MYOM2: variants seen among roughly 807,000 people sequenced by gnomAD.
MYOM2 encodes myomesin 2, also known as myomesin-2.
In MYOM2, 254 loss-of-function variants were observed where a neutral mutation model predicts 187.6. The observed-to-expected ratio is 1.35, with a 90% confidence interval of 1.22 to 1.50. The LOEUF is 1.50. Ranked by LOEUF, MYOM2 falls within the 40% of genes most tolerant of loss-of-function variation. MYOM2 has a pLI of 0.00. For synonymous variants in MYOM2, 981 were observed against 753.8 expected (o/e 1.30, Z -4.94); for missense variants, 2,796 against 1,924.0 (o/e 1.45, Z -8.48).
Position 2,072,467 on chromosome 8 carries a change from G to T in MYOM2, c.916G>T (p.Asp306Tyr), listed in dbSNP as rs1819265496. 5 of 1,614,044 alleles carry T rather than the reference G, an allele frequency of 3.1e-6. No homozygotes were observed. Among genetic ancestry groups the T allele is most frequent in the Non-Finnish European group, 4.2e-6 (5 of 1,180,040 alleles). ...TLKCTMLVTP[D>Y]LKRVQPRAEW... Reference sequence around the variant, plus strand: ...CAAGTGCACCATGCTGGTGACGCCGGACCTGAAGCGGGTGCAGCCGCGCGC... The same window carrying T: ...CAAGTGCACCATGCTGGTGACGCCGTACCTGAAGCGGGTGCAGCCGCGCGC... The change falls in exon 9 of 37, where the codon GAC becomes TAC. Residue 306 changes from aspartate (D) to tyrosine (Y), a missense_variant. Asp to Tyr is a radical substitution (Grantham distance 160). Transcript: ENST00000262113.
At chr8:2,133,988 T>C (rs1007471785) in intron 32 of MYOM2, among the ~76,000 whole-genome samples, 6 of 150,684 alleles carry the variant, frequency 4.0e-5, no homozygotes, top group Non-Finnish European at 8.8e-5. Context: ...ACCTCCACCC[T>C]CTTCCCCTGA....
intron 21 of MYOM2, among the ~76,000 whole-genome samples, chr8:2,103,586 T>C (rs1374419951): frequency 5.3e-5 from 8 of 151,618 alleles, no homozygotes; most frequent in Non-Finnish European, 1.2e-4. Flanking sequence ...TGTGCATGTA[T>C]TATGTGTATA....
At chr8:2,120,680 T>TATATATAATATATATATAA in intron 28 of MYOM2, among the ~76,000 whole-genome samples, 8 of 48,300 alleles carry the variant, frequency 1.7e-4, no homozygotes. Context: ...ATATATTATA[T>TATATATAATATATATATAA]TATATATAAA....
chr8:2,099,126 A>G, intron 19 of MYOM2, 143 bp downstream of exon 19: 1 of 1,148,868 alleles, frequency 8.7e-7, no homozygotes, highest in Non-Finnish European at 1.2e-6. Context: ...ACCGTGCGCC[A>G]GGCGCCGTGC....
intron 20 of MYOM2, 123 bp from the exon 21 acceptor site, chr8:2,102,544 C>A: frequency 3.3e-6 from 2 of 600,622 alleles, no homozygotes; most frequent in Non-Finnish European, 5.9e-6. Context: ...CATTAAGTAT[C>A]ATTTTCCTAA....
chr8:2,051,157 C>T (rs914814012), intron 2 of MYOM2, among the ~76,000 whole-genome samples: 5 of 135,550 alleles, frequency 3.7e-5, no homozygotes, highest in African/African-American at 1.4e-4. Context: ...CATCACATGC[C>T]TTCCAGAACT....
chr8:2,058,438 A>G (rs1818746894), intron 5 of MYOM2, among the ~76,000 whole-genome samples: 1 of 152,186 alleles, frequency 6.6e-6, no homozygotes, highest in Non-Finnish European at 1.5e-5. Context: ...CAATATGGAA[A>G]ACTCATAAGT....
chr8:2,051,916 T>A (rs1485169174), intron 2 of MYOM2, among the ~76,000 whole-genome samples: 4 of 152,240 alleles, frequency 2.6e-5, no homozygotes, highest in African/African-American at 9.6e-5. Context: ...CTTGCATTTA[T>A]GCATTTATTT....
chr8:2,083,819 C>T (rs192509653), intron 13 of MYOM2, among the ~76,000 whole-genome samples: 1 of 152,202 alleles, frequency 6.6e-6, no homozygotes, highest in African/African-American at 2.4e-5. Flanking sequence ...ATGTCTTGCC[C>T]CAGCCGGGGA....
intron 1 of MYOM2, among the ~76,000 whole-genome samples, chr8:2,049,037 C>A (rs556565993): frequency 6.6e-6 from 1 of 152,058 alleles, no homozygotes. Flanking sequence ...GTGATCCACC[C>A]GCCTTGGCCT....
Position 2,116,862 on chromosome 8 carries a change from G to A in MYOM2, c.3385+587G>A, listed in dbSNP as rs111356875. On this transcript the variant is annotated intron_variant, in intron 27 of 36. Transcript: ENST00000262113. ...AAGCTCCGCCTCCCGGGTTCACGCC[G>A]TTCTCCTGCCTCAGCCTCCCGAATA... Among the ~76,000 whole-genome samples the A allele has an allele frequency of 4.1e-3, 628 of 152,122 alleles. 1 individual carries two copies. Among genetic ancestry groups the A allele is most frequent in the African/African-American group, 0.014 (565 of 41,508 alleles).
rs1303937343 is a variant in MYOM2, at chr8:2,129,180, C to A, written c.3748C>A (p.Gln1250Lys). 1 of 1,612,052 alleles carries A rather than the reference C, an allele frequency of 6.2e-7. No homozygotes were observed. Among genetic ancestry groups the A allele is most frequent in the African/African-American group, 1.3e-5 (1 of 74,908 alleles). ...VLCTPEGIRL[Q>K]CFMKYFTDEM... ...CTGCACCCCAGAAGGAATACGACTT[C>A]AGTGTTTCATGAAGTATTTTACAGA... The change falls in exon 32 of 37, where the codon CAG becomes AAG. Residue 1250 changes from glutamine (Q) to lysine (K), a missense_variant. Transcript: ENST00000262113.
intron 31 of MYOM2, among the ~76,000 whole-genome samples, chr8:2,126,483 C>A (rs1009854737): frequency 3.6e-4 from 55 of 152,190 alleles, no homozygotes; most frequent in African/African-American, 1.3e-3. Context: ...CACACTCATA[C>A]ATGCACACAC....
At position 2,098,855 on chromosome 8, in the gene MYOM2, A is replaced by T; in HGVS notation, c.2314-2A>T. ...GTATTAATTTAAACAAAATCTGAATAGGTGGACGGCTTGACGGAAGGCTCA... is the reference window on the plus strand; with the variant it reads ...GTATTAATTTAAACAAAATCTGAATTGGTGGACGGCTTGACGGAAGGCTCA... On this transcript the variant is annotated splice_acceptor_variant, in intron 18 of 36. Transcript: ENST00000262113. LOFTEE classifies it high-confidence loss of function. 1.2e-6 allele frequency: 2 copies of T among 1,608,690 alleles called. No individual in the cohort carries two copies. The highest frequency in any genetic ancestry group is 1.7e-6 in the Non-Finnish European group (2 of 1,175,980).
At chr8:2,084,701 G>A (rs138341771) in intron 13 of MYOM2, among the ~76,000 whole-genome samples, 4 of 152,330 alleles carry the variant, frequency 2.6e-5, no homozygotes, top group African/African-American at 9.6e-5. Flanking sequence ...CATCACTCCA[G>A]AATTCAAACA....
chr8:2,099,468 G>A (rs950320093), intron 19 of MYOM2, among the ~76,000 whole-genome samples: 22 of 151,670 alleles, frequency 1.5e-4, no homozygotes, highest in Non-Finnish European at 2.9e-5. Flanking sequence ...GGGGAGGCAC[G>A]ACAGGGTTCT....
chr8:2,086,815 G>T (rs1796103881), intron 14 of MYOM2, among the ~76,000 whole-genome samples: 1 of 152,216 alleles, frequency 6.6e-6, no homozygotes, highest in Admixed American at 6.5e-5. Context: ...ACATGCTGGG[G>T]ATTCCAGATT....
In MYOM2 at chr8:2,093,957, C is replaced by T. The variant is rs761145584; in HGVS notation, c.2004-13C>T. The T allele has an allele frequency of 5.6e-6, 9 of 1,613,534 alleles. No individual in the cohort carries two copies. The South Asian group carries it at 9.9e-5, about 18-fold the overall frequency. On this transcript the variant is annotated splice_polypyrimidine_tract_variant and intron_variant, in intron 16 of 36. Transcript: ENST00000262113. ...AGCCTGGCAGTTCTGACCCTGATCC[C>T]TGTGTTTCTCAGGTTCGTGGTGCAC... is the stretch of plus-strand genomic sequence containing the variant.
chr8:2,075,256 C>G (rs1819378575), intron 10 of MYOM2, among the ~76,000 whole-genome samples: 1 of 152,160 alleles, frequency 6.6e-6, no homozygotes, highest in South Asian at 2.1e-4. Context: ...AATGTCCCTT[C>G]CGTCTTCTGC....
Sources: allele counts gnomAD v4.1 joint callset (sites outside exome capture counted in the v4.1 genomes callset), GRCh38; gene constraint gnomAD v4.1.1; transcripts MANE v1.5; gene names NCBI Gene and HGNC (gene_info 2026-07-23, HGNC 2026-07-21).